NMT1: variants seen among roughly 807,000 people sequenced by gnomAD.
NMT1 encodes the protein N-myristoyltransferase 1, also known as glycylpeptide N-tetradecanoyltransferase 1.
In NMT1, 12 loss-of-function variants were observed where a neutral mutation model predicts 63.4. The ratio of observed to expected loss-of-function variants is 0.19; its 90% CI spans 0.12 to 0.31. The LOEUF (loss-of-function observed/expected upper bound fraction) is 0.31, where lower values mean the gene tolerates loss of function less well. NMT1 is among the 10% of genes least tolerant of loss of function. NMT1 has a pLI of 1.00. For synonymous variants in NMT1, 228 were observed against 234.3 expected, an observed-to-expected ratio of 0.97 and a Z score of 0.25; for missense variants, 432 against 634.6, an observed-to-expected ratio of 0.68 and a Z score of 3.43.
chr17:45,094,249 T>C lies in NMT1; in HGVS notation c.504+446T>C, dbSNP rs561816491. On this transcript the variant is annotated intron_variant, in intron 4 of 11. Transcript: ENST00000258960. ...GTGGCTCACACCTGTAATCCCACCG[T>C]TTTGGGAGGCTGAGGCAGGCGGATC... 4.1e-4 allele frequency among the ~76,000 whole-genome samples: 62 copies of C among 151,646 alleles called. No individual in the cohort carries two copies. In the East Asian group the frequency reaches 9.1e-3, roughly 22 times the overall value.
At chr17:45,068,782 G>A (rs2053919718) in intron 1 of NMT1, among the ~76,000 whole-genome samples, 1 of 151,858 alleles carries the variant, frequency 6.6e-6, no homozygotes, top group African/African-American at 2.4e-5. Flanking sequence ...AAATAGCTGG[G>A]ATCACAGGTG....
intron 3 of NMT1, among the ~76,000 whole-genome samples, chr17:45,091,652 A>G (rs536449864): frequency 3.9e-5 from 6 of 152,316 alleles, no homozygotes; most frequent in African/African-American, 1.4e-4. Flanking sequence ...TGTAGGCTCA[A>G]AAATGTTTTT....
At chr17:45,098,071 C>T (rs2054137796) in intron 6 of NMT1, among the ~76,000 whole-genome samples, 1 of 152,202 alleles carries the variant, frequency 6.6e-6, no homozygotes, top group Non-Finnish European at 1.5e-5. Context: ...CCCTGTGCTG[C>T]TTCCCTGCAT....
chr17:45,069,352 C>T (rs1197476847), intron 1 of NMT1, among the ~76,000 whole-genome samples: 9 of 151,656 alleles, frequency 5.9e-5, no homozygotes, highest in African/African-American at 1.7e-4. Context: ...AGTGCAGTGG[C>T]GTGATCTTGG....
intron 1 of NMT1, among the ~76,000 whole-genome samples, chr17:45,062,851 GT>G (rs2053874924): frequency 1.3e-5 from 2 of 152,134 alleles, no homozygotes; most frequent in African/African-American, 4.8e-5. Flanking sequence ...TATTTAAGTG[GT>G]TTATAATCTG....
chr17:45,083,180 G>T (rs35173750), intron 2 of NMT1, among the ~76,000 whole-genome samples: 31,719 of 151,526 alleles, frequency 0.21, 3,834 homozygotes, highest in South Asian at 0.32. Flanking sequence ...TTAGCCAGGC[G>T]TGGTGGCACG....
At chr17:45,092,342 G>A (rs1361162388) in intron 3 of NMT1, among the ~76,000 whole-genome samples, 1 of 152,134 alleles carries the variant, frequency 6.6e-6, no homozygotes, top group African/African-American at 2.4e-5. Flanking sequence ...GCCAGCGGTG[G>A]TGTCGTGTGC....
intron 6 of NMT1, among the ~76,000 whole-genome samples, chr17:45,097,967 C>G (rs1413591726): frequency 6.6e-6 from 1 of 152,158 alleles, no homozygotes; most frequent in Non-Finnish European, 1.5e-5. Context: ...AAACCATCTG[C>G]CTGCCACAGT....
At chr17:45,074,300 C>T (rs1033226543) in intron 1 of NMT1, among the ~76,000 whole-genome samples, 2 of 151,494 alleles carry the variant, frequency 1.3e-5, no homozygotes, top group South Asian at 4.2e-4. Context: ...CTGCAAGCTC[C>T]GCCTCCTGGG....
intron 1 of NMT1, among the ~76,000 whole-genome samples, chr17:45,078,502 A>G (rs2053991534): frequency 2.0e-5 from 3 of 152,192 alleles, no homozygotes; most frequent in African/African-American, 7.2e-5. Context: ...ATATATATAC[A>G]CAGTATCTGT....
chr17:45,093,916 G>A, intron 4 of NMT1, 113 bp downstream of exon 4: 2 of 796,584 alleles, frequency 2.5e-6, no homozygotes, highest in Non-Finnish European at 4.1e-6. Context: ...AGCCAAGGAG[G>A]TCTGAACAGA....
chr17:45,077,780 A>G (rs1017934067), intron 1 of NMT1, among the ~76,000 whole-genome samples: 1 of 152,224 alleles, frequency 6.6e-6, no homozygotes, highest in African/African-American at 2.4e-5. Context: ...GAGTTGTCCT[A>G]GGCTGCAGAT....
intron 8 of NMT1, among the ~76,000 whole-genome samples, chr17:45,100,318 G>A (rs1267024790): frequency 6.6e-6 from 1 of 152,046 alleles, no homozygotes; most frequent in Admixed American, 6.5e-5. Context: ...TGTAATCCCA[G>A]CACTTTGGGA....
chr17:45,083,779 A>C (rs1463310401), intron 2 of NMT1: 1 of 151,924 alleles, frequency 6.6e-6, no homozygotes, highest in Non-Finnish European at 1.5e-5. Flanking sequence ...CACCCAGCTA[A>C]TTTTTTTATT....
intron 1 of NMT1, among the ~76,000 whole-genome samples, chr17:45,077,922 A>G (rs761549385): frequency 3.3e-5 from 5 of 152,064 alleles, no homozygotes; most frequent in Non-Finnish European, 7.4e-5. Context: ...TAAGGAAGTT[A>G]CCTTATTTCC....
chr17:45,099,543 G>T (rs769878243), intron 8 of NMT1, 30 bp downstream of exon 8: 2 of 1,485,504 alleles, frequency 1.3e-6, no homozygotes, highest in Non-Finnish European at 1.9e-6. Flanking sequence ...GTGGGCAGGG[G>T]GCAGAGAGAG....
At chr17:45,094,639 C>T (rs1598015854) in intron 4 of NMT1, among the ~76,000 whole-genome samples, 2 of 150,878 alleles carry the variant, frequency 1.3e-5, no homozygotes, top group African/African-American at 2.4e-5. Context: ...CTCAGCCTCC[C>T]GAGTAGCTGG....
Position 45,104,258 on chromosome 17 carries a change from G to A in NMT1, c.1332+382G>A. ...TTGGAGCATCCAACTGCCAGTAGCG[G>A]ATGGCGAGCCCGTCTGTCAGTGCTT... On this transcript the variant is annotated intron_variant, in intron 10 of 11. Coordinates refer to ENST00000258960, the MANE Select transcript of NMT1 (RefSeq NM_021079.5). The surrounding 1 kb of genome is among the most constrained non-coding windows in gnomAD (Gnocchi z 4.2). The A allele has an allele frequency of 8.4e-7, 1 of 1,196,438 alleles. No individual in the cohort carries two copies. Among genetic ancestry groups the A allele is most frequent in the South Asian group, 1.6e-5 (1 of 62,176 alleles). 74.1% of individuals were successfully genotyped at this position (1,196,438 alleles called of 1,614,324 possible).
At chr17:45,065,557 G>T (rs1031353954) in intron 1 of NMT1, among the ~76,000 whole-genome samples, 3 of 149,544 alleles carry the variant, frequency 2.0e-5, no homozygotes, top group African/African-American at 7.4e-5. Context: ...CTGTGAGGCG[G>T]AGCTTGCAGT....
Sources: allele counts gnomAD v4.1 joint callset (sites outside exome capture counted in the v4.1 genomes callset), GRCh38; gene constraint gnomAD v4.1.1; non-coding constraint Gnocchi (gnomAD v3.1); transcripts MANE v1.5; gene names NCBI Gene and HGNC (gene_info 2026-07-23, HGNC 2026-07-21).